PRKCB: variants seen among roughly 807,000 people sequenced by gnomAD.
PRKCB encodes protein kinase C beta.
A neutral mutation model predicts 81.5 loss-of-function variants in PRKCB; 13 were observed. That is an observed-to-expected ratio of 0.16 (90% CI 0.10 to 0.25). The LOEUF (loss-of-function observed/expected upper bound fraction) is 0.25. Ranked by LOEUF, PRKCB falls within the 10% of genes least tolerant of loss-of-function variation. The pLI, the probability that PRKCB is intolerant of heterozygous loss-of-function variation, is 1.00. For missense variants in PRKCB, 509 were observed against 875.7 expected, an observed-to-expected ratio of 0.58 and a Z score of 5.29; for synonymous variants, 335 against 321.4, an observed-to-expected ratio of 1.04 and a Z score of -0.45.
At chr16:24,024,578 C>T (rs897202485) in intron 3 of PRKCB, among the ~76,000 whole-genome samples, 2 of 152,208 alleles carry the variant, frequency 1.3e-5, no homozygotes, top group Admixed American at 6.5e-5. Flanking sequence ...AGAACAATCA[C>T]ATTGTACCCC....
At chr16:24,038,342 A>C (rs1965649908) in intron 5 of PRKCB, among the ~76,000 whole-genome samples, 1 of 152,224 alleles carries the variant, frequency 6.6e-6, no homozygotes, top group African/African-American at 2.4e-5. Context: ...ATATTGTAGG[A>C]TTTCATTTCT....
intron 2 of PRKCB, among the ~76,000 whole-genome samples, chr16:23,867,190 A>T (rs1430632845): frequency 1.3e-5 from 2 of 151,054 alleles, no homozygotes; most frequent in Non-Finnish European, 2.9e-5. Context: ...CCGTGGCATG[A>T]TCTCAGCTCA....
intron 7 of PRKCB, chr16:24,110,950 G>C (rs1966669189): frequency 6.6e-6 from 1 of 152,066 alleles, no homozygotes; most frequent in South Asian, 2.1e-4. Context: ...TATTAAAAAA[G>C]TAAAACAGAT....
intron 8 of PRKCB, among the ~76,000 whole-genome samples, chr16:24,120,592 C>A (rs926821652): frequency 5.9e-5 from 9 of 152,146 alleles, no homozygotes; most frequent in Non-Finnish European, 2.9e-5. Context: ...AGCATCCTGC[C>A]AGTTGGTCAG....
chr16:24,196,882 G>A (rs529738274), intron 16 of PRKCB, among the ~76,000 whole-genome samples: 13 of 152,318 alleles, frequency 8.5e-5, no homozygotes, highest in Admixed American at 7.2e-4. Flanking sequence ...AGTATAGAAT[G>A]TTCTGGTGAA....
At chr16:23,882,025 C>CTCTTTCTTTCTTTCTTTCTCTCTTTCTTT (rs1597226197) in intron 2 of PRKCB, among the ~76,000 whole-genome samples, 1 of 18,328 alleles carries the variant, frequency 5.5e-5, no homozygotes. Flanking sequence ...TTTCTTTCTT[C>CTCTTTCTTTCTTTCTTTCTCTCTTTCTTT]CTTCCTTCCT....
At chr16:24,174,444 T>C (rs1239448419) in intron 11 of PRKCB, 74 bp from the exon 12 acceptor site, 22 of 1,344,844 alleles carry the variant, frequency 1.6e-5, no homozygotes, top group Non-Finnish European at 2.0e-5. Context: ...CAATATTGTA[T>C]TGAATTCTGA....
chr16:24,191,492 G>A (rs1459003314), intron 16 of PRKCB: 1 of 347,488 alleles, frequency 2.9e-6, no homozygotes, highest in African/African-American at 2.1e-5. Context: ...AACTGTCTTA[G>A]CTGACAACTT....
chr16:24,049,046 T>C (rs1469469669), intron 5 of PRKCB, among the ~76,000 whole-genome samples: 1 of 97,316 alleles, frequency 1.0e-5, no homozygotes, highest in East Asian at 3.9e-4. Flanking sequence ...CAAATTGGCC[T>C]GTTTTTTTTT....
chr16:24,174,655 G>A, intron 12 of PRKCB, 75 bp downstream of exon 12: 1 of 1,357,264 alleles, frequency 7.4e-7, no homozygotes, highest in Non-Finnish European at 1.0e-6. Flanking sequence ...TTCTTCAGCT[G>A]CTTTTAAAAT....
At chr16:24,021,021 T>TTTCTTTC (rs1965363120) in intron 3 of PRKCB, among the ~76,000 whole-genome samples, 3 of 130,172 alleles carry the variant, frequency 2.3e-5, no homozygotes, top group Non-Finnish European at 5.1e-5. Context: ...TCTTTCTTTC[T>TTTCTTTC]TTCTTTCTTT....
In PRKCB at chr16:23,964,616, G is replaced by A. The variant is rs565450269; in HGVS notation, c.206-23892G>A. Among the ~76,000 whole-genome samples the A allele has an allele frequency of 2.0e-5, 3 of 151,694 alleles. No homozygotes were observed. In the East Asian group the frequency reaches 5.8e-4, roughly 29 times the overall value. ...GTATTGTTATCCCTGTCCTAGAGAT[G>A]AGAAAACTGGGACTGGAATTCTGTA... On this transcript the variant is annotated intron_variant, in intron 2 of 16. Transcript: ENST00000643927.
intron 2 of PRKCB, among the ~76,000 whole-genome samples, chr16:23,948,320 G>A (rs73538902): frequency 2.6e-5 from 4 of 152,020 alleles, no homozygotes; most frequent in Non-Finnish European, 4.4e-5. Context: ...TGTCTTTCCT[G>A]GTTAAACTGG....
intron 2 of PRKCB, among the ~76,000 whole-genome samples, chr16:23,977,377 C>T (rs930349316): frequency 2.0e-5 from 3 of 152,110 alleles, no homozygotes; most frequent in Non-Finnish European, 2.9e-5. Context: ...CGTACTGATG[C>T]CTGCCCACCA....
chr16:24,134,531 G>A (rs1024530073), intron 9 of PRKCB, among the ~76,000 whole-genome samples: 1 of 152,152 alleles, frequency 6.6e-6, no homozygotes, highest in Non-Finnish European at 1.5e-5. Context: ...CAGATCACGA[G>A]GTCAGGAGTT....
chr16:23,836,015 C>G lies in PRKCB; in HGVS notation c.-161C>G, dbSNP rs1292031686. Reference sequence around the variant, plus strand: ...CGGCAGCAGCTGGGCGAGTGACAGCCCCGGCTCCGCGCGCCGCGGCCGCCA... The same window carrying G: ...CGGCAGCAGCTGGGCGAGTGACAGCGCCGGCTCCGCGCGCCGCGGCCGCCA... On this transcript the variant is annotated 5_prime_UTR_variant, in exon 1 of 17. Coordinates refer to ENST00000643927, the MANE Select transcript of PRKCB (RefSeq NM_002738.7). 3.5e-6 allele frequency: 1 copy of G among 285,054 alleles called. No homozygotes were observed. The highest frequency in any genetic ancestry group is 6.5e-5 in the Admixed American group (1 of 15,270). The allele number at this position is 285,054 out of a possible 1,614,324, so 17.7% of individuals were successfully genotyped here.
intron 2 of PRKCB, among the ~76,000 whole-genome samples, chr16:23,961,020 T>C (rs370927267): frequency 6.6e-5 from 10 of 152,376 alleles, no homozygotes; most frequent in African/African-American, 2.4e-4. Flanking sequence ...GATTATTTCT[T>C]TCCTTTTTCA....
intron 2 of PRKCB, among the ~76,000 whole-genome samples, chr16:23,983,746 C>T (rs1467111578): frequency 2.6e-5 from 4 of 151,658 alleles, no homozygotes; most frequent in East Asian, 1.9e-4. Context: ...GACAGAGTCT[C>T]GCTCTGTCTC....
In PRKCB at chr16:23,911,825, C is replaced by CTTTTTT. The variant is rs1567311221; in HGVS notation, c.205+74419_205+74420insTTTTTT. On this transcript the variant is annotated intron_variant, in intron 2 of 16. Transcript: ENST00000643927. ...CTTGTCCTGGGATATGCGCGACCCA[C>CTTTTTT]ATTTTTTTTTTTTTTTTTTTTTTTT... 2.4e-5 allele frequency among the ~76,000 whole-genome samples: 3 copies of CTTTTTT among 126,370 alleles called. 1 individual carries two copies. Among genetic ancestry groups the CTTTTTT allele is most frequent in the Non-Finnish European group, 1.6e-5 (1 of 61,704 alleles). The allele number at this position is 126,370 out of a possible 152,430, so 82.9% of individuals were successfully genotyped here. A position where few individuals can be genotyped will look rare whatever the true frequency, so the allele number is the denominator to read the frequency against.
Sources: gnomAD v4.1 joint callset for allele counts (sites outside exome capture counted in the v4.1 genomes callset) on GRCh38, gnomAD v4.1.1 for gene constraint, MANE v1.5 for transcripts, NCBI Gene and HGNC (gene_info 2026-07-23, HGNC 2026-07-21) for gene names.